Variants in CHN2 observed in about 807,000 individuals in gnomAD.
CHN2 encodes beta-chimaerin.
A neutral mutation model predicts 56.3 loss-of-function variants in CHN2; 35 were observed. That is an observed-to-expected ratio of 0.62 (90% CI 0.47 to 0.82). CHN2 has a LOEUF of 0.82. Ranked by LOEUF, CHN2 falls within the 40% of genes least tolerant of loss-of-function variation. The pLI, the probability that CHN2 is intolerant of heterozygous loss-of-function variation, is 0.00. For missense variants in CHN2, 491 were observed against 580.5 expected, an observed-to-expected ratio of 0.85 and a Z score of 1.58; for synonymous variants, 210 against 212.8, an observed-to-expected ratio of 0.99 and a Z score of 0.12.
intron 3 of CHN2, among the ~76,000 whole-genome samples, chr7:29,368,945 T>C (rs1799392304): frequency 6.6e-6 from 1 of 152,324 alleles, no homozygotes; most frequent in Non-Finnish European, 1.5e-5. Flanking sequence ...AAATATCTGG[T>C]GCTTAAGGAA....
chr7:29,396,773 G>C (rs1356073945), intron 4 of CHN2: 5 of 109,422 alleles, frequency 4.6e-5, no homozygotes, highest in Non-Finnish European at 6.9e-5. Flanking sequence ...GCTGCCCCCA[G>C]GGCTCTTTGC....
chr7:29,189,341 T>C (rs1485786595), intron 2 of CHN2, among the ~76,000 whole-genome samples: 1 of 152,168 alleles, frequency 6.6e-6, no homozygotes, highest in Admixed American at 6.5e-5. Flanking sequence ...AATTAATGAA[T>C]GCTTGAATAA....
intron 6 of CHN2, among the ~76,000 whole-genome samples, chr7:29,461,936 CTG>C (rs145592904): frequency 0.012 from 1,892 of 152,220 alleles, 41 homozygotes; most frequent in African/African-American, 0.042. Flanking sequence ...TAAATTGTAA[CTG>C]TATATTTCTG....
intron 6 of CHN2, among the ~76,000 whole-genome samples, chr7:29,432,997 G>A (rs1782958815): frequency 2.6e-5 from 4 of 152,148 alleles, no homozygotes. Context: ...CCAGAAAATG[G>A]TTACCAAAAA....
chr7:29,395,079 C>T (rs950163621), intron 4 of CHN2, among the ~76,000 whole-genome samples: 1 of 152,198 alleles, frequency 6.6e-6, no homozygotes, highest in Non-Finnish European at 1.5e-5. Flanking sequence ...AGGAAACGCA[C>T]ATACACATTT....
Position 29,400,834 on chromosome 7 carries a change from C to A in CHN2, c.576+6C>A. 6.2e-7 allele frequency: 1 copy of A among 1,612,336 alleles called. No homozygotes were observed. On this transcript the variant is annotated splice_donor_region_variant and intron_variant, in intron 6 of 12. Coordinates refer to ENST00000222792, the MANE Select transcript of CHN2 (RefSeq NM_004067.4). ...AACACACAGCGGTGGAAAAGGTGAG[C>A]TGTGTGTGATGGAAGCAGCCTTTCG...
chr7:29,440,680 G>A (rs1195715481), intron 6 of CHN2, among the ~76,000 whole-genome samples: 3 of 94,986 alleles, frequency 3.2e-5, no homozygotes, highest in East Asian at 3.4e-4. Flanking sequence ...ATGAGACTCC[G>A]TCTCAAAAAA....
chr7:29,192,049 A>C (rs1448295054), upstream of CHN2: 3 of 152,240 alleles, frequency 2.0e-5, no homozygotes, highest in Non-Finnish European at 4.4e-5. Flanking sequence ...ATCAACTTTC[A>C]GATTTTAGTT....
intron 1 of CHN2, among the ~76,000 whole-genome samples, chr7:29,240,070 A>T (rs1787533245): frequency 6.6e-6 from 1 of 152,186 alleles, no homozygotes; most frequent in African/African-American, 2.4e-5. Context: ...ACCAATGATG[A>T]TCCCACTGAA....
chr7:29,215,432 A>G (rs1186975528), intron 1 of CHN2, among the ~76,000 whole-genome samples: 1 of 152,132 alleles, frequency 6.6e-6, no homozygotes, highest in Non-Finnish European at 1.5e-5. Context: ...GGCCTCCCAG[A>G]GGTCCCAATT....
At chr7:29,504,582 C>CA (rs1790348078) in intron 9 of CHN2, among the ~76,000 whole-genome samples, 162 bp from the exon 10 acceptor site, 1 of 152,064 alleles carries the variant, frequency 6.6e-6, no homozygotes, top group Non-Finnish European at 1.5e-5. Flanking sequence ...GAAATTGAGA[C>CA]AGACAAGTCC....
intron 2 of CHN2, among the ~76,000 whole-genome samples, chr7:29,177,647 T>C (rs900982411): frequency 6.6e-6 from 1 of 151,960 alleles, no homozygotes; most frequent in East Asian, 1.9e-4. Flanking sequence ...TATCTATCTG[T>C]CCATCTATTA....
upstream of CHN2, among the ~76,000 whole-genome samples, chr7:29,191,199 T>G (rs1411567736): frequency 6.6e-6 from 1 of 152,140 alleles, no homozygotes; most frequent in Non-Finnish European, 1.5e-5. Context: ...ACTGAGTCAC[T>G]GGGATTATAG....
At chr7:29,494,643 G>T (rs2128566729) in intron 7 of CHN2, among the ~76,000 whole-genome samples, 1 of 152,172 alleles carries the variant, frequency 6.6e-6, no homozygotes, top group African/African-American at 2.4e-5. Context: ...TATATAATAG[G>T]CAGTTTGCAT....
At chr7:29,389,290 G>A (rs764184560) in intron 3 of CHN2, among the ~76,000 whole-genome samples, 1 of 152,182 alleles carries the variant, frequency 6.6e-6, no homozygotes, top group African/African-American at 2.4e-5. Context: ...CACTCACCCC[G>A]TTTACTTACT....
intron 6 of CHN2, among the ~76,000 whole-genome samples, chr7:29,424,032 A>G (rs1433210957): frequency 6.6e-6 from 1 of 152,190 alleles, no homozygotes; most frequent in Non-Finnish European, 1.5e-5. Flanking sequence ...CTAATTTGCC[A>G]CTATAGAAAT....
chr7:29,213,426 G>T (rs531775568), intron 1 of CHN2, among the ~76,000 whole-genome samples: 2 of 152,214 alleles, frequency 1.3e-5, no homozygotes, highest in East Asian at 3.9e-4. Flanking sequence ...GGATCTTCCG[G>T]AGAAAAGACG....
At chr7:29,392,339 G>A (rs78314067) in intron 3 of CHN2, among the ~76,000 whole-genome samples, 6,415 of 152,124 alleles carry the variant, frequency 0.042, 466 homozygotes, top group African/African-American at 0.14. Flanking sequence ...TAGAATAATG[G>A]CACACATCAT....
intron 6 of CHN2, among the ~76,000 whole-genome samples, chr7:29,467,039 A>G (rs182483893): frequency 6.6e-6 from 1 of 152,246 alleles, no homozygotes; most frequent in Admixed American, 6.5e-5. Context: ...ACATTTTTTT[A>G]TGAAGCATAT....
Sources: allele counts gnomAD v4.1 joint callset (sites outside exome capture counted in the v4.1 genomes callset), GRCh38; gene constraint gnomAD v4.1.1; transcripts MANE v1.5; gene names NCBI Gene and HGNC (gene_info 2026-07-23, HGNC 2026-07-21).